Variants in FGGY observed in about 807,000 individuals in gnomAD.
FGGY encodes FGGY carbohydrate kinase domain-containing protein.
Under a neutral mutation model 71.3 loss-of-function variants are expected in FGGY, and 72 were observed. The observed-to-expected ratio is 1.01, with a 90% confidence interval of 0.84 to 1.23. The LOEUF is 1.23. Among genes scored for constraint, FGGY ranks in the 50% most tolerant of loss-of-function variants. The pLI is 0.00. For missense variants in FGGY, 668 were observed against 682.3 expected (o/e 0.98, Z 0.23); for synonymous variants, 251 against 250.3 (o/e 1.00, Z -0.02).
intron 5 of FGGY, among the ~76,000 whole-genome samples, chr1:59,441,466 C>T: frequency 6.6e-6 from 1 of 152,140 alleles, no homozygotes; most frequent in East Asian, 1.9e-4. Flanking sequence ...AGCTGACAAC[C>T]CATCTCAGTT....
chr1:59,557,314 C>T (rs572315364), intron 8 of FGGY, among the ~76,000 whole-genome samples: 1 of 152,198 alleles, frequency 6.6e-6, no homozygotes, highest in Non-Finnish European at 1.5e-5. Context: ...TGTCTGCTTA[C>T]TTCTGATGTT....
chr1:59,542,150 C>T (rs967034684), intron 7 of FGGY, among the ~76,000 whole-genome samples: 2 of 152,274 alleles, frequency 1.3e-5, no homozygotes, highest in South Asian at 2.1e-4. Flanking sequence ...GCCCATACAG[C>T]GGGAATTACT....
At chr1:59,332,813 C>G (rs558702664) in intron 2 of FGGY, among the ~76,000 whole-genome samples, 70 of 152,320 alleles carry the variant, frequency 4.6e-4, no homozygotes, top group African/African-American at 1.6e-3. Context: ...CCAATTTTTT[C>G]TATTCCTACT....
At chr1:59,666,734 T>C (rs1455471287) in intron 12 of FGGY, among the ~76,000 whole-genome samples, 1 of 152,186 alleles carries the variant, frequency 6.6e-6, no homozygotes, top group Non-Finnish European at 1.5e-5. Flanking sequence ...ATAGCAGCGG[T>C]AATTTTAGCC....
At chr1:59,728,770 T>C (rs1321198053) in intron 14 of FGGY, among the ~76,000 whole-genome samples, 6 of 152,124 alleles carry the variant, frequency 3.9e-5, no homozygotes, top group Non-Finnish European at 8.8e-5. Flanking sequence ...TGTTTCTCTA[T>C]AGATTAGGTG....
chr1:59,435,758 G>A, intron 5 of FGGY, among the ~76,000 whole-genome samples: 1 of 146,098 alleles, frequency 6.8e-6, no homozygotes, highest in African/African-American at 2.7e-5. Flanking sequence ...GTGTGTGTGT[G>A]TGTGTGTGTG....
At chr1:59,343,685 C>G (rs990875927) in intron 3 of FGGY, among the ~76,000 whole-genome samples, 21 of 152,272 alleles carry the variant, frequency 1.4e-4, no homozygotes, top group African/African-American at 4.3e-4. Flanking sequence ...ATTAAATGAA[C>G]TTTCAGTTTT....
At chr1:59,688,892 G>C (rs1438161830) in intron 14 of FGGY, among the ~76,000 whole-genome samples, 1 of 152,100 alleles carries the variant, frequency 6.6e-6, no homozygotes, top group African/African-American at 2.4e-5. Context: ...TGGGATTACA[G>C]GCACCTGCCA....
chr1:59,735,432 T>C (rs1234073086), intron 14 of FGGY, among the ~76,000 whole-genome samples: 1 of 152,222 alleles, frequency 6.6e-6, no homozygotes, highest in Admixed American at 6.5e-5. Flanking sequence ...CAGGTGATAT[T>C]GTGGTCTTCT....
At chr1:59,748,495 G>A (rs1486827938) in intron 14 of FGGY, among the ~76,000 whole-genome samples, 1 of 152,160 alleles carries the variant, frequency 6.6e-6, no homozygotes, top group Non-Finnish European at 1.5e-5. Context: ...TTAGGCAGGA[G>A]GAAGGTTGGC....
rs548486659 is a variant in FGGY at position 59,413,034 on chromosome 1, A to G, written c.554+34197A>G. ...TTCAGATTGTGCCACCTTTCTTCCAACTCCCATGCATTTGCACAGATTGTT... is the reference window on the plus strand; with the variant it reads ...TTCAGATTGTGCCACCTTTCTTCCAGCTCCCATGCATTTGCACAGATTGTT... On this transcript the variant is annotated intron_variant, in intron 5 of 15. Transcript: ENST00000303721. 7.2e-4 allele frequency among the ~76,000 whole-genome samples: 110 copies of G among 152,238 alleles called. 1 individual carries two copies. The highest frequency in any genetic ancestry group is 2.6e-3 in the African/African-American group (109 of 41,540).
rs748489744 is a variant in FGGY, at chr1:59,544,336, AC to A, written c.800-9787del. ...GAAGGGCATGATTTAATGGTAATAA[AC>A]TGGGGAACTTAGCAAAGCCTGTTAG... On this transcript the variant is annotated intron_variant, in intron 7 of 15. Transcript: ENST00000303721. Among the ~76,000 whole-genome samples the A allele has an allele frequency of 8.5e-5, 13 of 152,222 alleles. 1 individual carries two copies. In the East Asian group the frequency reaches 1.7e-3, roughly 20 times the overall value.
intron 12 of FGGY, among the ~76,000 whole-genome samples, chr1:59,666,957 A>T (rs2097331562): frequency 6.6e-6 from 1 of 152,252 alleles, no homozygotes; most frequent in Non-Finnish European, 1.5e-5. Flanking sequence ...GTAGACACTC[A>T]TTAAATATCT....
intron 7 of FGGY, among the ~76,000 whole-genome samples, chr1:59,541,054 T>G (rs2095432400): frequency 6.6e-6 from 1 of 152,182 alleles, no homozygotes; most frequent in African/African-American, 2.4e-5. Flanking sequence ...CTTTTTTATT[T>G]GTCTGTTTGT....
intron 14 of FGGY, among the ~76,000 whole-genome samples, chr1:59,691,865 T>C (rs566176149): frequency 1.3e-5 from 2 of 152,260 alleles, no homozygotes; most frequent in African/African-American, 4.8e-5. Context: ...CTCACTTACT[T>C]TATTTTTGTC....
At chr1:59,377,591 G>A (rs2058823758) in intron 4 of FGGY, among the ~76,000 whole-genome samples, 1 of 152,172 alleles carries the variant, frequency 6.6e-6, no homozygotes, top group Admixed American at 6.5e-5. Context: ...TGAGATTTGA[G>A]TGAAGACACA....
Position 59,554,224 on chromosome 1 carries a change from G to T in FGGY, c.900G>T (p.Met300Ile). The change falls in exon 8 of 16, where the codon ATG becomes ATT. Residue 300 changes from methionine (M) to isoleucine (I), a missense_variant. Physicochemically the swap from Met to Ile is conservative, Grantham distance 10 (BLOSUM62 1). Transcript: ENST00000303721. ...AVICGTSSCHMGISKDPIFVP... is the reference protein window; with the variant it reads ...AVICGTSSCHIGISKDPIFVP... ...TCTGTGGAACGTCTTCTTGTCACAT[G>T]GGGGTGAGTCCACTGAGCACAAAGG... 1 of 1,612,182 alleles carries T rather than the reference G, an allele frequency of 6.2e-7. No individual in the cohort carries two copies. Among genetic ancestry groups the T allele is most frequent in the South Asian group, 1.1e-5 (1 of 90,928 alleles).
chr1:59,379,742 AAC>A (rs2059154201), intron 5 of FGGY, among the ~76,000 whole-genome samples: 1 of 152,158 alleles, frequency 6.6e-6, no homozygotes, highest in Non-Finnish European at 1.5e-5. Context: ...TTAAAACACA[AAC>A]ACATTATACA....
At chr1:59,498,323 A>T (rs1372609176) in intron 6 of FGGY, among the ~76,000 whole-genome samples, 1 of 152,206 alleles carries the variant, frequency 6.6e-6, no homozygotes, top group Non-Finnish European at 1.5e-5. Context: ...AAATTCACAC[A>T]TCCAATACAT....
Sources: allele counts gnomAD v4.1 joint callset (sites outside exome capture counted in the v4.1 genomes callset), GRCh38; gene constraint gnomAD v4.1.1; transcripts MANE v1.5; gene names NCBI Gene and HGNC (gene_info 2026-07-23, HGNC 2026-07-21).